The following ENPP6 variants were observed in gnomAD, a reference collection of about 807,000 sequenced individuals.
ENPP6 encodes glycerophosphocholine cholinephosphodiesterase ENPP6.
In ENPP6, 32 loss-of-function variants were observed where a neutral mutation model predicts 42.0. The observed-to-expected ratio is 0.76, with a 90% confidence interval of 0.58 to 1.02. The LOEUF (loss-of-function observed/expected upper bound fraction) is 1.02. Among genes scored for constraint, ENPP6 ranks in the 50% least tolerant of loss-of-function variants. The pLI is 0.00. For missense variants in ENPP6, 552 were observed against 566.8 expected (o/e 0.97, Z 0.27); for synonymous variants, 213 against 216.0 (o/e 0.99, Z 0.12).
In ENPP6 at chr4:184,117,184, C is replaced by T. The variant is rs555829810; in HGVS notation, c.676-149G>A. ...TATTTTGCCCTGGTGAGACCCAGTTCAAAACCACAACAGAAGCCCTTTGCG... is the reference window on the plus strand; with the variant it reads ...TATTTTGCCCTGGTGAGACCCAGTTTAAAACCACAACAGAAGCCCTTTGCG... On this transcript the variant is annotated intron_variant, in intron 4 of 7. Transcript: ENST00000296741. 48 of 921,788 alleles carry T rather than the reference C, an allele frequency of 5.2e-5. No individual in the cohort carries two copies. In the South Asian group the frequency reaches 7.6e-4, roughly 15 times the overall value. 57.1% of individuals were successfully genotyped at this position (921,788 alleles called of 1,614,324 possible).
chr4:184,142,688 CT>C (rs1736843275), intron 2 of ENPP6, among the ~76,000 whole-genome samples: 1 of 152,214 alleles, frequency 6.6e-6, no homozygotes, highest in Admixed American at 6.5e-5. Flanking sequence ...TGAAAATGAC[CT>C]ACTGGGCACA....
chr4:184,137,988 G>T (rs1265382362), intron 2 of ENPP6, among the ~76,000 whole-genome samples: 1 of 152,130 alleles, frequency 6.6e-6, no homozygotes, highest in Admixed American at 6.6e-5. Context: ...GAGATGCATT[G>T]TTTCAAAACA....
At chr4:184,100,276 C>A (rs888498644) in intron 6 of ENPP6, among the ~76,000 whole-genome samples, 17 of 152,224 alleles carry the variant, frequency 1.1e-4, no homozygotes, top group African/African-American at 4.1e-4. Context: ...TTTTCCTCTG[C>A]CAGTGGCTTT....
chr4:184,101,201 G>T (rs1039286118), intron 6 of ENPP6, among the ~76,000 whole-genome samples: 2 of 152,034 alleles, frequency 1.3e-5, no homozygotes, highest in Non-Finnish European at 2.9e-5. Context: ...GTATGAGAGT[G>T]TGTGAGTGCA....
chr4:184,211,720 C>T (rs1436129675), intron 1 of ENPP6, among the ~76,000 whole-genome samples: 1 of 150,806 alleles, frequency 6.6e-6, no homozygotes, highest in Non-Finnish European at 1.5e-5. Context: ...AAGAGGGAAT[C>T]CTCCCTAACT....
chr4:184,153,288 C>A (rs552388779), intron 2 of ENPP6, among the ~76,000 whole-genome samples: 5 of 152,124 alleles, frequency 3.3e-5, no homozygotes, highest in South Asian at 4.1e-4. Flanking sequence ...ACCACCCCAG[C>A]TAATTTTGTA....
At chr4:184,207,842 A>T (rs1733025758) in intron 1 of ENPP6, among the ~76,000 whole-genome samples, 1 of 152,204 alleles carries the variant, frequency 6.6e-6, no homozygotes, top group African/African-American at 2.4e-5. Flanking sequence ...TTCACAGTTC[A>T]TGAGCAAGGT....
At chr4:184,186,134 A>C (rs890412514) in intron 1 of ENPP6, among the ~76,000 whole-genome samples, 1 of 152,218 alleles carries the variant, frequency 6.6e-6, no homozygotes, top group African/African-American at 2.4e-5. Flanking sequence ...GCGTACATAG[A>C]TATTCATAAT....
At chr4:184,118,304 C>A (rs565099170) in intron 3 of ENPP6, among the ~76,000 whole-genome samples, 4 of 152,210 alleles carry the variant, frequency 2.6e-5, no homozygotes, top group Non-Finnish European at 5.9e-5. Context: ...GGGAAAAATC[C>A]GATTAAACTC....
At chr4:184,132,812 CAT>C (rs985662173) in intron 2 of ENPP6, among the ~76,000 whole-genome samples, 26 of 126,598 alleles carry the variant, frequency 2.1e-4, no homozygotes, top group South Asian at 1.3e-3. Context: ...TACATATATA[CAT>C]ATATACACAC....
rs34098186 is a variant in ENPP6 at position 184,188,239 on chromosome 4, G to A, written c.241+29340C>T. Among the ~76,000 whole-genome samples, 189 of 152,172 alleles carry A rather than the reference G, an allele frequency of 1.2e-3. 1 individual carries two copies. The Middle Eastern group carries it at 0.02, about 16-fold the overall frequency. On this transcript the variant is annotated intron_variant, in intron 1 of 7. Coordinates refer to ENST00000296741, the MANE Select transcript of ENPP6 (RefSeq NM_153343.4). ...AATTCTAGAAGTCCTGTCAGTTTCC[G>A]TTGTGCCTGAAGCCTTTCCCAGTCG...
intron 1 of ENPP6, among the ~76,000 whole-genome samples, chr4:184,181,391 C>G (rs1314176093): frequency 6.6e-6 from 1 of 152,174 alleles, no homozygotes; most frequent in Non-Finnish European, 1.5e-5. Context: ...ACCTTCCATG[C>G]TCATGGATAG....
At chr4:184,204,962 C>T (rs774635633) in intron 1 of ENPP6, among the ~76,000 whole-genome samples, 2 of 151,900 alleles carry the variant, frequency 1.3e-5, no homozygotes, top group Admixed American at 6.6e-5. Flanking sequence ...TGAAGTTTCG[C>T]TCATGTTGCC....
intron 3 of ENPP6, among the ~76,000 whole-genome samples, chr4:184,120,254 G>A (rs560958157): frequency 6.6e-6 from 1 of 152,268 alleles, no homozygotes; most frequent in East Asian, 1.9e-4. Flanking sequence ...CAGGGGAGCT[G>A]GCTTCCTGGT....
At chr4:184,145,725 A>T (rs1014251114) in intron 2 of ENPP6, among the ~76,000 whole-genome samples, 2 of 152,180 alleles carry the variant, frequency 1.3e-5, no homozygotes, top group East Asian at 3.8e-4. Context: ...AGTTCCAGCC[A>T]TCTCCTGCCT....
At chr4:184,131,259 T>TCCCTTCCTTCCTTC (rs1736623827) in intron 2 of ENPP6, among the ~76,000 whole-genome samples, 1 of 73,280 alleles carries the variant, frequency 1.4e-5, no homozygotes, top group East Asian at 3.4e-4. Flanking sequence ...TTTCTCTTTC[T>TCCCTTCCTTCCTTC]CTTCCTTCCT....
intron 1 of ENPP6, among the ~76,000 whole-genome samples, chr4:184,194,125 C>T (rs1048037678): frequency 1.3e-5 from 2 of 152,154 alleles, no homozygotes; most frequent in African/African-American, 4.8e-5. Flanking sequence ...CATCATGGTC[C>T]CTCATCTACT....
intron 1 of ENPP6, among the ~76,000 whole-genome samples, chr4:184,167,415 T>C (rs2111089179): frequency 6.6e-6 from 1 of 152,282 alleles, no homozygotes; most frequent in East Asian, 1.9e-4. Flanking sequence ...GAACTTAGAA[T>C]GGCCAATGAG....
intron 1 of ENPP6, among the ~76,000 whole-genome samples, chr4:184,207,104 T>G (rs538777851): frequency 7.2e-5 from 11 of 152,358 alleles, no homozygotes; most frequent in South Asian, 4.1e-4. Flanking sequence ...AAACAAAACA[T>G]TGAATTTCCC....
Sources: gnomAD v4.1 joint callset for allele counts (sites outside exome capture counted in the v4.1 genomes callset) on GRCh38, gnomAD v4.1.1 for gene constraint, MANE v1.5 for transcripts, NCBI Gene and HGNC (gene_info 2026-07-23, HGNC 2026-07-21) for gene names.